The following MAP3K10 variants were observed in gnomAD, a reference collection of about 807,000 sequenced individuals.
The protein encoded by MAP3K10 is MKN28 derived nonreceptor_type serine/threonine kinase.
Under a neutral mutation model 75.0 loss-of-function variants are expected in MAP3K10, and 22 were observed. The ratio of observed to expected loss-of-function variants is 0.29; its 90% CI spans 0.21 to 0.42. The LOEUF (loss-of-function observed/expected upper bound fraction) is 0.42, where lower values mean the gene tolerates loss of function less well. Ranked by LOEUF, MAP3K10 falls within the 10% of genes least tolerant of loss-of-function variation. The pLI is 1.00. For synonymous variants in MAP3K10, 599 were observed against 612.9 expected, an observed-to-expected ratio of 0.98 and a Z score of 0.34; for missense variants, 1,165 against 1,379.8, an observed-to-expected ratio of 0.84 and a Z score of 2.47.
At chr19:40,202,889 A>G (rs1973052740) in intron 2 of MAP3K10, among the ~76,000 whole-genome samples, 1 of 152,190 alleles carries the variant, frequency 6.6e-6, no homozygotes, top group African/African-American at 2.4e-5. Context: ...GCTGCAAAGG[A>G]GAATGGAAAA....
chr19:40,203,339 A>G (rs540577369), intron 2 of MAP3K10, among the ~76,000 whole-genome samples: 1 of 152,184 alleles, frequency 6.6e-6, no homozygotes, highest in Non-Finnish European at 1.5e-5. Context: ...TGTCTCAAAA[A>G]AAAAAAAGGA....
intron 6 of MAP3K10, among the ~76,000 whole-genome samples, chr19:40,211,472 C>T (rs1174564779): frequency 6.6e-6 from 1 of 151,840 alleles, no homozygotes; most frequent in Non-Finnish European, 1.5e-5. Context: ...CCTGTCAACC[C>T]ATCACCTAGG....
At chr19:40,214,844 G>C in intron 9 of MAP3K10, 126 bp from the exon 10 acceptor site, 1 of 613,080 alleles carries the variant, frequency 1.6e-6, no homozygotes, top group Non-Finnish European at 2.9e-6. Context: ...ATGGAAACTG[G>C]ATGCAGCAAG....
At chr19:40,195,639 G>C (rs75813080) in intron 1 of MAP3K10, among the ~76,000 whole-genome samples, 2,099 of 151,938 alleles carry the variant, frequency 0.014, 43 homozygotes, top group African/African-American at 0.048. Flanking sequence ...GGCTACAGGC[G>C]TGCGCCACCA....
In MAP3K10 at chr19:40,198,591, G is replaced by A; in HGVS notation, c.863+36G>A. On this transcript the variant is annotated intron_variant, in intron 2 of 9. Transcript: ENST00000253055. This position sits in a 1 kb window ranked among gnomAD's most constrained non-coding sequence, Gnocchi z 4.3. ...GCGCGGCCGGGATGGCCTCTGGGGA[G>A]TAAGGGAGGGAGGAAGGGGTGAGGG... The A allele has an allele frequency of 2.1e-5, 33 of 1,570,856 alleles. No homozygotes were observed. Among genetic ancestry groups the A allele is most frequent in the Non-Finnish European group, 2.9e-5 (33 of 1,152,464 alleles).
intron 2 of MAP3K10, among the ~76,000 whole-genome samples, chr19:40,203,707 G>T (rs184231049): frequency 5.6e-4 from 86 of 152,368 alleles, no homozygotes; most frequent in African/African-American, 1.9e-3. Flanking sequence ...CTAGCACAGT[G>T]CCTGGCCTGC....
At position 40,215,009 on chromosome 19, in the gene MAP3K10, C is replaced by T. The variant is rs1973324562; in HGVS notation, c.2582C>T (p.Pro861Leu). ...CTGGACTTCCCCCGCCTGCCCGACC[C>T]CCAGGCCCTGTTCCCAGCCCGCCGC... is the stretch of plus-strand genomic sequence containing the variant. ...DLLDFPRLPD[P>L]QALFPARRRP... is the part of the protein sequence containing the mutation. Residue 861 changes from proline to leucine, a missense_variant, in exon 10 of 10, where the codon CCC becomes CTC. Around this residue, in one of 2 missense-constraint regions of MAP3K10, gnomAD observed 590 missense variants for 586.6 expected, o/e 1.01. Transcript: ENST00000253055. 1.3e-6 allele frequency: 2 copies of T among 1,598,306 alleles called. No homozygotes were observed. The highest frequency in any genetic ancestry group is 1.7e-5 in the Admixed American group (1 of 59,844).
Position 40,205,416 on chromosome 19 carries a change from C to A in MAP3K10, c.1188+120C>A. The stretch of plus-strand genomic sequence containing the variant: ...TTGGGTCCATGCAGGGTCAAGGGAG[C>A]CTTTTTTGCATATTAAGAAAAGACA... On this transcript the variant is annotated intron_variant, in intron 4 of 9. Transcript: ENST00000253055. The surrounding 1 kb of genome is among the most constrained non-coding windows in gnomAD (Gnocchi z 4.3). 9.5e-7 allele frequency: 1 copy of A among 1,053,232 alleles called. No individual in the cohort carries two copies. The highest frequency in any genetic ancestry group is 1.7e-5 in the South Asian group (1 of 59,440). The allele number at this position is 1,053,232 out of a possible 1,614,324, so 65.2% of individuals were successfully genotyped here.
Position 40,192,591 on chromosome 19 carries a change from C to T in MAP3K10, c.560C>T (p.Ala187Val), listed in dbSNP as rs2145064492. 6.2e-7 allele frequency: 1 copy of T among 1,612,870 alleles called. No homozygotes were observed. The highest frequency in any genetic ancestry group is 8.5e-7 in the Non-Finnish European group (1 of 1,179,706). ...GGTGGTGCACTGAGCAGGGTGCTGG[C>T]AGGTCGCCGGGTGCCACCTCACGTG... ...ARGGALSRVLAGRRVPPHVLV... is the reference protein window; with the variant it reads ...ARGGALSRVLVGRRVPPHVLV... Residue 187 changes from alanine (A) to valine (V), a missense_variant, in exon 1 of 10, where the codon GCA (alanine) becomes GTA (valine). Ala to Val is a moderately conservative substitution (Grantham distance 64). Transcript: ENST00000253055. The surrounding 1 kb of genome is among the most constrained non-coding windows in gnomAD (Gnocchi z 7.1).
chr19:40,206,570 T>C (rs1973127464), intron 5 of MAP3K10, among the ~76,000 whole-genome samples: 1 of 151,880 alleles, frequency 6.6e-6, no homozygotes, highest in African/African-American at 2.4e-5. Flanking sequence ...AGCAAGACCC[T>C]ATCTCTAAAG....
chr19:40,198,635 C>T lies in MAP3K10; in HGVS notation c.863+80C>T. 2.9e-6 allele frequency: 4 copies of T among 1,392,786 alleles called. No homozygotes were observed. The highest frequency in any genetic ancestry group is 1.9e-6 in the Non-Finnish European group (2 of 1,027,396). 86.3% of individuals were successfully genotyped at this position (1,392,786 alleles called of 1,614,324 possible). ...GTGAGGGCAGAGTGGGAGGGAGGGT[C>T]TCCTGCTGAAGCCAGGATCTCAGTC... On this transcript the variant is annotated intron_variant, in intron 2 of 9. Coordinates refer to ENST00000253055, the MANE Select transcript of MAP3K10 (RefSeq NM_002446.4). This position sits in a 1 kb window ranked among gnomAD's most constrained non-coding sequence, Gnocchi z 4.3.
chr19:40,214,002 T>TACCC lies in MAP3K10; in HGVS notation c.2323_2324insACCC (p.Ser775TyrfsTer78). On this transcript the variant is annotated frameshift_variant, in exon 9 of 10. Transcript: ENST00000253055. LOFTEE classifies it high-confidence loss of function. ...TGACGAGGCCGCACCGGCCGCGCCC[T>TACCC]CCCCACCACCCTCCCCGCCCGCGCC... The TACCC allele has an allele frequency of 2.3e-5, 35 of 1,493,608 alleles. No homozygotes were observed. The highest frequency in any genetic ancestry group is 7.9e-5 in the East Asian group (3 of 37,786). 92.5% of individuals were successfully genotyped at this position (1,493,608 alleles called of 1,614,324 possible).
intron 1 of MAP3K10, among the ~76,000 whole-genome samples, chr19:40,196,145 A>G (rs1972901528): frequency 6.6e-6 from 1 of 152,200 alleles, no homozygotes; most frequent in Non-Finnish European, 1.5e-5. Flanking sequence ...GTACAGGGTT[A>G]TGCACCTAGG....
At chr19:40,201,703 G>A (rs1973025566) in intron 2 of MAP3K10, among the ~76,000 whole-genome samples, 1 of 150,790 alleles carries the variant, frequency 6.6e-6, no homozygotes, top group African/African-American at 2.4e-5. Context: ...CGCTGGTCTC[G>A]ATCTCTTGGG....
chr19:40,194,959 G>A (rs1008222387), intron 1 of MAP3K10, among the ~76,000 whole-genome samples: 3 of 152,150 alleles, frequency 2.0e-5, no homozygotes, highest in East Asian at 1.9e-4. Flanking sequence ...TATTTAGATC[G>A]GGTGGTCAGG....
intron 2 of MAP3K10, among the ~76,000 whole-genome samples, chr19:40,199,618 A>G (rs1972979658): frequency 6.6e-6 from 1 of 152,034 alleles, no homozygotes; most frequent in Non-Finnish European, 1.5e-5. Flanking sequence ...TATGTAGGAG[A>G]GGGAGCTGGA....
At position 40,205,634 on chromosome 19, in the gene MAP3K10, G is replaced by C. The variant is rs1421953176; in HGVS notation, c.1189-277G>C. ...GAAATTGGATGATGGGTACAGGGGG[G>C]TGCACTGTTCTCTGCTTTTGTGGAT... On this transcript the variant is annotated intron_variant, in intron 4 of 9. Coordinates refer to ENST00000253055, the MANE Select transcript of MAP3K10 (RefSeq NM_002446.4). The surrounding 1 kb of genome is among the most constrained non-coding windows in gnomAD (Gnocchi z 4.3). 5.7e-6 allele frequency: 3 copies of C among 527,528 alleles called. No homozygotes were observed. The highest frequency in any genetic ancestry group is 6.1e-5 in the East Asian group (2 of 33,004). The allele number at this position is 527,528 out of a possible 1,614,324, so 32.7% of individuals were successfully genotyped here. A position where few individuals can be genotyped will look rare whatever the true frequency, so the allele number is the denominator to read the frequency against.
Position 40,206,099 on chromosome 19 carries a change from C to A in MAP3K10, c.1377C>A (p.Phe459Leu), listed in dbSNP as rs1424874930. The change falls in exon 5 of 10, where the codon TTC becomes TTA. Residue 459 changes from phenylalanine to leucine, a missense_variant. Physicochemically the swap from Phe to Leu is conservative, Grantham distance 22. Coordinates refer to ENST00000253055, the MANE Select transcript of MAP3K10 (RefSeq NM_002446.4). Reference sequence around the variant, plus strand: ...GGGTCCGCAAGCGCAAGGGCAACTTCAAGCGCAGCCGCCTGCTCAAGCTGC... The same window carrying A: ...GGGTCCGCAAGCGCAAGGGCAACTTAAAGCGCAGCCGCCTGCTCAAGCTGC... ...KPRVRKRKGN[F>L]KRSRLLKLRE... The A allele has an allele frequency of 1.9e-6, 3 of 1,613,120 alleles. No homozygotes were observed. The highest frequency in any genetic ancestry group is 1.7e-6 in the Non-Finnish European group (2 of 1,179,638).
At chr19:40,211,914 G>C (rs1440254326) in intron 6 of MAP3K10, among the ~76,000 whole-genome samples, 1 of 152,100 alleles carries the variant, frequency 6.6e-6, no homozygotes, top group Non-Finnish European at 1.5e-5. Flanking sequence ...AGTAGAGATG[G>C]GGTTTTCACC....
Sources: allele counts gnomAD v4.1 joint callset (sites outside exome capture counted in the v4.1 genomes callset), GRCh38; gene constraint gnomAD v4.1.1; regional missense constraint gnomAD v4.1.1; non-coding constraint Gnocchi (gnomAD v3.1); transcripts MANE v1.5; gene names NCBI Gene and HGNC (gene_info 2026-07-23, HGNC 2026-07-21).